RAPGEF2: variants seen among roughly 807,000 people sequenced by gnomAD.
The protein encoded by RAPGEF2 is PDZ domain containing guanine nucleotide exchange factor (GEF) 1.
RAPGEF2 carries 54 observed loss-of-function variants against 186.7 expected under a neutral mutation model. That is an observed-to-expected ratio of 0.29 (90% CI 0.23 to 0.36). The LOEUF (loss-of-function observed/expected upper bound fraction) is 0.36, where lower values mean the gene tolerates loss of function less well. Among genes scored for constraint, RAPGEF2 ranks in the 10% least tolerant of loss-of-function variants. RAPGEF2 has a pLI of 1.00. For missense variants in RAPGEF2, 1,532 were observed against 2,045.0 expected (o/e 0.75, Z 4.84); for synonymous variants, 712 against 705.9 (o/e 1.01, Z -0.14).
chr4:159,273,652 TTCTTTC>T (rs1164864338), intron 7 of RAPGEF2, among the ~76,000 whole-genome samples: 2 of 142,868 alleles, frequency 1.4e-5, no homozygotes, highest in African/African-American at 5.3e-5. Flanking sequence ...CTTTCTTTCT[TTCTTTC>T]TTTCTTTCTT....
intron 7 of RAPGEF2, among the ~76,000 whole-genome samples, chr4:159,266,616 T>C (rs1757459798): frequency 6.6e-6 from 1 of 152,220 alleles, no homozygotes; most frequent in Non-Finnish European, 1.5e-5. Context: ...TTTATATTAT[T>C]TGCAAGGCAA....
intron 2 of RAPGEF2, among the ~76,000 whole-genome samples, chr4:159,188,001 T>A (rs1289424100): frequency 1.3e-5 from 2 of 152,172 alleles, no homozygotes; most frequent in African/African-American, 2.4e-5. Context: ...TAAAGTAGAT[T>A]GTAGATTAAG....
intron 2 of RAPGEF2, among the ~76,000 whole-genome samples, chr4:159,187,190 A>G (rs1245047638): frequency 6.6e-6 from 1 of 152,230 alleles, no homozygotes; most frequent in East Asian, 1.9e-4. Context: ...TTACTTTTAC[A>G]AAGTTGAATT....
At chr4:159,294,063 T>C (rs4547756) in intron 7 of RAPGEF2, among the ~76,000 whole-genome samples, 95,732 of 152,112 alleles carry the variant, frequency 0.63, 31,649 homozygotes, top group African/African-American at 0.81. Flanking sequence ...GTCTCAGCCA[T>C]GCTACTGTAT....
intron 1 of RAPGEF2, among the ~76,000 whole-genome samples, chr4:159,184,224 C>T (rs1404335449): frequency 3.9e-5 from 6 of 152,160 alleles, no homozygotes; most frequent in Admixed American, 3.9e-4. Flanking sequence ...GTCTTTATAG[C>T]AGCATGATTT....
chr4:159,338,561 A>C (rs17304561), intron 18 of RAPGEF2, 93 bp downstream of exon 18: 4 of 1,290,560 alleles, frequency 3.1e-6, no homozygotes, highest in Non-Finnish European at 4.3e-6. Context: ...TTCATTTGGC[A>C]TGGATTATAT....
chr4:159,196,298 G>C (rs1450700284), intron 3 of RAPGEF2, among the ~76,000 whole-genome samples: 1 of 152,102 alleles, frequency 6.6e-6, no homozygotes, highest in Non-Finnish European at 1.5e-5. Flanking sequence ...ATATAAATTT[G>C]TGATAATAAT....
chr4:159,215,886 A>G (rs1750950486), intron 4 of RAPGEF2, among the ~76,000 whole-genome samples: 1 of 152,162 alleles, frequency 6.6e-6, no homozygotes, highest in Non-Finnish European at 1.5e-5. Flanking sequence ...GACAAAGACT[A>G]TACAGAGAGT....
chr4:159,178,281 C>G (rs1055886874), intron 1 of RAPGEF2, among the ~76,000 whole-genome samples: 1 of 152,036 alleles, frequency 6.6e-6, no homozygotes, highest in African/African-American at 2.4e-5. Context: ...AGGGATTGCA[C>G]CAGCATATGG....
At chr4:159,355,749 T>C in intron 28 of RAPGEF2, 104 bp from the exon 29 acceptor site, 1 of 1,109,224 alleles carries the variant, frequency 9.0e-7, no homozygotes, top group Non-Finnish European at 1.3e-6. Flanking sequence ...AATGCACATC[T>C]GCTGCTACAC....
rs139857091 is a variant in RAPGEF2 at position 159,138,366 on chromosome 4, C to G, written c.69+34135C>G. On this transcript the variant is annotated intron_variant, in intron 1 of 29. Coordinates refer to ENST00000691494, the MANE Select transcript of RAPGEF2 (RefSeq NM_001394067.2). Reference sequence around the variant, plus strand: ...ATTTTAGTGTTTCCAAGTTATCCAGCTAAAGTTACTAATACTGATGCATTT... The same window carrying G: ...ATTTTAGTGTTTCCAAGTTATCCAGGTAAAGTTACTAATACTGATGCATTT... Among the ~76,000 whole-genome samples the G allele has an allele frequency of 4.1e-3, 626 of 152,244 alleles. 4 individuals are homozygous for G. Among genetic ancestry groups the G allele is most frequent in the African/African-American group, 0.014 (565 of 41,546 alleles).
chr4:159,104,553 A>AGAGACAGAGAGAGAGAGAGAGT, intron 1 of RAPGEF2, among the ~76,000 whole-genome samples: 1 of 136,112 alleles, frequency 7.3e-6, no homozygotes, highest in African/African-American at 2.9e-5. Flanking sequence ...AGAGAGAGAG[A>AGAGACAGAGAGAGAGAGAGAGT]GTGTGTGTGT....
chr4:159,244,400 A>G (rs901062051), intron 7 of RAPGEF2, among the ~76,000 whole-genome samples: 7 of 151,952 alleles, frequency 4.6e-5, no homozygotes, highest in Non-Finnish European at 7.4e-5. Context: ...GAGGTCTGTA[A>G]TAATCTCCTT....
chr4:159,353,711 A>G lies in RAPGEF2; in HGVS notation c.4316A>G (p.His1439Arg), dbSNP rs766364247. The change falls in exon 28 of 30, where the codon CAC becomes CGC. Residue 1439 changes from histidine (H) to arginine (R), a missense_variant. Physicochemically the swap from His to Arg is conservative, Grantham distance 29. Coordinates refer to ENST00000691494, the MANE Select transcript of RAPGEF2 (RefSeq NM_001394067.2). The surrounding 1 kb of genome is among the most constrained non-coding windows in gnomAD (Gnocchi z 4.3). ...SWETLPFGHT[H>R]FDYSGDPAGL... ...GAGACTCTTCCATTCGGGCATACTC[A>G]CTTTGATTATTCAGGGGATCCTGCA... 4 of 1,604,700 alleles carry G rather than the reference A, an allele frequency of 2.5e-6. No homozygotes were observed. The highest frequency in any genetic ancestry group is 3.4e-5 in the Admixed American group (2 of 58,986).
At chr4:159,267,826 CT>C (rs1757610486) in intron 7 of RAPGEF2, 1 of 1,033,278 alleles carries the variant, frequency 9.7e-7, no homozygotes, top group Non-Finnish European at 1.2e-6. Context: ...TTTCTTTTGC[CT>C]CTTGTTCTTC....
chr4:159,196,028 G>A (rs974610849), intron 3 of RAPGEF2, among the ~76,000 whole-genome samples: 2 of 151,864 alleles, frequency 1.3e-5, no homozygotes, highest in African/African-American at 4.8e-5. Context: ...GCACCTGCCC[G>A]TATTTGACTA....
rs913216348 is a variant in RAPGEF2, at chr4:159,299,649, ATTAC to A, written c.544-4689_544-4686del. On this transcript the variant is annotated intron_variant, in intron 7 of 29. Coordinates refer to ENST00000691494, the MANE Select transcript of RAPGEF2 (RefSeq NM_001394067.2). The stretch of plus-strand genomic sequence containing the variant: ...AATTTAACTTTTTTTTTAACTTATT[ATTAC>A]TTATTTACTTATGAGTATTTACTTA... 9.2e-5 allele frequency among the ~76,000 whole-genome samples: 14 copies of A among 152,036 alleles called. No homozygotes were observed. In the South Asian group the frequency reaches 2.7e-3, roughly 29 times the overall value.
intron 1 of RAPGEF2, among the ~76,000 whole-genome samples, chr4:159,115,839 G>A (rs1405108614): frequency 6.6e-6 from 1 of 152,106 alleles, no homozygotes; most frequent in African/African-American, 2.4e-5. Context: ...AATGGGGAGA[G>A]GATTCTCTAT....
chr4:159,319,588 C>T (rs1440418071), intron 9 of RAPGEF2, among the ~76,000 whole-genome samples: 1 of 151,940 alleles, frequency 6.6e-6, no homozygotes, highest in African/African-American at 2.4e-5. Context: ...TATCTAAAAA[C>T]CAGTGATACC....
Sources: allele counts gnomAD v4.1 joint callset (sites outside exome capture counted in the v4.1 genomes callset), GRCh38; gene constraint gnomAD v4.1.1; non-coding constraint Gnocchi (gnomAD v3.1); transcripts MANE v1.5; gene names NCBI Gene and HGNC (gene_info 2026-07-23, HGNC 2026-07-21).